The following PITPNM3 variants were observed in gnomAD, a reference collection of about 807,000 sequenced individuals.
The protein encoded by PITPNM3 is membrane-associated phosphatidylinositol transfer protein 3.
A neutral mutation model predicts 102.0 loss-of-function variants in PITPNM3; 26 were observed. The observed-to-expected ratio is 0.25, with a 90% CI of 0.19 to 0.35. The LOEUF is 0.35. PITPNM3 is among the 10% of genes least tolerant of loss of function. The pLI, the probability that PITPNM3 is intolerant of heterozygous loss-of-function variation, is 1.00. For synonymous variants in PITPNM3, 578 were observed against 558.6 expected, an observed-to-expected ratio of 1.03 and a Z score of -0.49; for missense variants, 1,083 against 1,346.1, an observed-to-expected ratio of 0.80 and a Z score of 3.06.
intron 3 of PITPNM3, 57 bp from the exon 4 acceptor site, chr17:6,503,631 G>A: frequency 6.3e-7 from 1 of 1,576,350 alleles, no homozygotes; most frequent in Non-Finnish European, 8.6e-7. Flanking sequence ...CAGGCACTGT[G>A]TTTCCCAGGG....
chr17:6,452,998 T>TCTCTCTCTCTCTCTCTCTCTG lies in PITPNM3; in HGVS notation c.*2339_*2340insCAGAGAGAGAGAGAGAGAGAG, dbSNP rs1913919802. The TCTCTCTCTCTCTCTCTCTCTG allele has an allele frequency of 1.6e-5, 1 of 64,088 alleles. No individual in the cohort carries two copies. Among genetic ancestry groups the TCTCTCTCTCTCTCTCTCTCTG allele is most frequent in the African/African-American group, 7.5e-5 (1 of 13,346 alleles). The allele number at this position is 64,088 out of a possible 1,614,324, so 4.0% of individuals were successfully genotyped here. A position where few individuals can be genotyped will look rare whatever the true frequency, so the allele number is the denominator to read the frequency against. On this transcript the variant is annotated 3_prime_UTR_variant, in exon 20 of 20. Transcript: ENST00000262483. ...TCTTCCTCTCTCTCTCTCTCTGTCTTCCTTTCTCTCTCTCTCTCTCTCTCT... is the reference window on the plus strand; with the variant it reads ...TCTTCCTCTCTCTCTCTCTCTGTCTTCTCTCTCTCTCTCTCTCTCTGCCTTTCTCTCTCTCTCTCTCTCTCT...
In PITPNM3 at chr17:6,472,813, G is replaced by C; in HGVS notation, c.1273C>G (p.Pro425Ala). Residue 425 changes from proline to alanine, a missense_variant, in exon 11 of 20, where the codon CCT becomes GCT. This residue lies in a region of PITPNM3 where 410 missense variants were observed against 638.4 expected (regional missense o/e 0.64). Coordinates refer to ENST00000262483, the MANE Select transcript of PITPNM3 (RefSeq NM_031220.4). This position sits in a 1 kb window ranked among gnomAD's most constrained non-coding sequence, Gnocchi z 4.1. ...AAGCTGTAGACCTGGCTGCAGGCAG[G>C]ACGCACCTGGAAGCCTGGGGTGAGT... ...LPGLDGFQVR[P>A]ACSQVYSFFH... is the part of the protein sequence containing the mutation. 1 of 1,614,086 alleles carries C rather than the reference G, an allele frequency of 6.2e-7. No individual in the cohort carries two copies. Among genetic ancestry groups the C allele is most frequent in the Non-Finnish European group, 8.5e-7 (1 of 1,179,992 alleles).
chr17:6,535,762 T>TA lies in PITPNM3; in HGVS notation c.118+2224dup, dbSNP rs1311197670. On this transcript the variant is annotated intron_variant, in intron 2 of 19. Coordinates refer to ENST00000262483, the MANE Select transcript of PITPNM3 (RefSeq NM_031220.4). ...GGTGAAACCCTGTCTCTACTAAAAA[T>TA]AAAAAAAAAAATTAGCCAGGTATGG... 4.3e-3 allele frequency among the ~76,000 whole-genome samples: 600 copies of TA among 139,248 alleles called. 3 individuals are homozygous for TA. The highest frequency in any genetic ancestry group is 0.014 in the African/African-American group (529 of 37,662). 91.4% of individuals were successfully genotyped at this position (139,248 alleles called of 152,430 possible).
chr17:6,482,367 G>A (rs559422603), intron 6 of PITPNM3, among the ~76,000 whole-genome samples: 18 of 152,244 alleles, frequency 1.2e-4, no homozygotes, highest in South Asian at 6.2e-4. Context: ...GAGAGCTTCC[G>A]GAGAGCTGAA....
rs368537962 is a variant in PITPNM3, at chr17:6,457,456, G to A, written c.2619+138C>T. 204 of 1,411,368 alleles carry A rather than the reference G, an allele frequency of 1.4e-4. No homozygotes were observed. In the African/African-American group the frequency reaches 2.3e-3, roughly 16 times the overall value. 87.4% of individuals were successfully genotyped at this position (1,411,368 alleles called of 1,614,324 possible). A position where few individuals can be genotyped will look rare whatever the true frequency, so the allele number is the denominator to read the frequency against. On this transcript the variant is annotated intron_variant, in intron 19 of 19. Coordinates refer to ENST00000262483, the MANE Select transcript of PITPNM3 (RefSeq NM_031220.4). This position sits in a 1 kb window ranked among gnomAD's most constrained non-coding sequence, Gnocchi z 4.7. ...GGCCCTGGCCCAAGGCAGGCACCCC[G>A]AAGTGTTTGTTGAATAAATGAATGA...
At chr17:6,471,056 A>G (rs1344956184) in intron 12 of PITPNM3, 105 bp downstream of exon 12, 4 of 1,362,280 alleles carry the variant, frequency 2.9e-6, no homozygotes, top group East Asian at 2.4e-5. Context: ...CCTTCTCCCT[A>G]TCCCAGGGCC....
At chr17:6,516,368 C>G (rs1908177112) in intron 3 of PITPNM3, among the ~76,000 whole-genome samples, 1 of 151,064 alleles carries the variant, frequency 6.6e-6, no homozygotes, top group Non-Finnish European at 1.5e-5. Flanking sequence ...TTGAGACCAT[C>G]CTGGCTAACA....
intron 19 of PITPNM3, among the ~76,000 whole-genome samples, chr17:6,455,908 C>T (rs971838950): frequency 1.3e-5 from 2 of 151,742 alleles, no homozygotes; most frequent in Non-Finnish European, 2.9e-5. Flanking sequence ...CTGGGGAAGT[C>T]GGGAGCTCTT....
intron 5 of PITPNM3, 104 bp downstream of exon 5, chr17:6,484,112 C>A (rs1051814871): frequency 7.7e-7 from 1 of 1,297,212 alleles, no homozygotes; most frequent in African/African-American, 1.5e-5. Flanking sequence ...CACAGCAAGT[C>A]AGACGAAGAG....
chr17:6,485,634 A>G (rs1906048408), intron 4 of PITPNM3, among the ~76,000 whole-genome samples: 1 of 152,354 alleles, frequency 6.6e-6, no homozygotes. Flanking sequence ...CAGAGAGTTA[A>G]GGTCGGCATT....
rs1425926659 is a variant in PITPNM3 at position 6,463,734 on chromosome 17, G to A, written c.2304C>T (p.Val768=). Residue 768 remains valine, a splice_region_variant and synonymous_variant, in exon 17 of 20, where the codon GTC becomes GTT. Coordinates refer to ENST00000262483, the MANE Select transcript of PITPNM3 (RefSeq NM_031220.4). ...PKVRPGAVDV[V]RHWQDLGYMI... ...CCCTCGTGGAAGGTGGCACTCACCG[G>A]ACAACATCCACTGCACCCGGCCGGA... 1.2e-6 allele frequency: 2 copies of A among 1,611,214 alleles called. No individual in the cohort carries two copies. The highest frequency in any genetic ancestry group is 1.7e-6 in the Non-Finnish European group (2 of 1,179,688).
At chr17:6,530,054 C>T (rs932544694) in intron 2 of PITPNM3, among the ~76,000 whole-genome samples, 4 of 152,218 alleles carry the variant, frequency 2.6e-5, no homozygotes, top group African/African-American at 9.6e-5. Flanking sequence ...CCACTCCCTC[C>T]AGGAGACAAA....
chr17:6,478,943 CTG>C lies in PITPNM3; in HGVS notation c.588-209_588-208del. On this transcript the variant is annotated intron_variant, in intron 6 of 19. Transcript: ENST00000262483. The surrounding 1 kb of genome is among the most constrained non-coding windows in gnomAD (Gnocchi z 4.4). ...GAGGATTCAAGCCTACACTGACTCC[CTG>C]TGTGTCCTTCCCGTGCTGGCCATGG... 3.3e-6 allele frequency: 2 copies of C among 601,524 alleles called. No homozygotes were observed. The allele number at this position is 601,524 out of a possible 1,614,324, so 37.3% of individuals were successfully genotyped here.
chr17:6,471,788 A>G (rs1356138810), intron 11 of PITPNM3, among the ~76,000 whole-genome samples: 1 of 152,128 alleles, frequency 6.6e-6, no homozygotes, highest in Non-Finnish European at 1.5e-5. Context: ...TGGGGACTCC[A>G]GCCTGAGAGC....
At position 6,477,104 on chromosome 17, in the gene PITPNM3, G is replaced by C. The variant is rs368003216; in HGVS notation, c.1010C>G (p.Pro337Arg). The C allele has an allele frequency of 5.0e-6, 8 of 1,614,114 alleles. No homozygotes were observed. Among genetic ancestry groups the C allele is most frequent in the Non-Finnish European group, 6.8e-6 (8 of 1,180,022 alleles). Reference protein sequence around the residue: ...SGLEDEEPKRPLPRKQSDSST... With the variant: ...SGLEDEEPKRRLPRKQSDSST... ...GGAGTCGCTCTGTTTCCGCGGCAACGGCCTCTTGGGCTCCTCATCCTCCAA... is the reference window on the plus strand; with the variant it reads ...GGAGTCGCTCTGTTTCCGCGGCAACCGCCTCTTGGGCTCCTCATCCTCCAA... The change falls in exon 9 of 20, where the codon CCG becomes CGG. Residue 337 changes from proline to arginine, a missense_variant. Pro to Arg is a moderately radical substitution (Grantham distance 103). This residue lies in a region of PITPNM3 where 172 missense variants were observed against 175.6 expected (regional missense o/e 0.98). Coordinates refer to ENST00000262483, the MANE Select transcript of PITPNM3 (RefSeq NM_031220.4).
chr17:6,514,159 T>G (rs943640748), intron 3 of PITPNM3, among the ~76,000 whole-genome samples: 1 of 152,010 alleles, frequency 6.6e-6, no homozygotes, highest in Non-Finnish European at 1.5e-5. Flanking sequence ...CTATAAAACT[T>G]TACAAAGAAA....
intron 2 of PITPNM3, among the ~76,000 whole-genome samples, chr17:6,528,464 A>T (rs1245234200): frequency 2.6e-5 from 4 of 151,720 alleles, no homozygotes; most frequent in African/African-American, 9.7e-5. Context: ...GTGCACGTGC[A>T]TGTGTGTGTG....
intron 3 of PITPNM3, among the ~76,000 whole-genome samples, chr17:6,505,276 G>T (rs1159873773): frequency 1.3e-5 from 2 of 151,408 alleles, no homozygotes; most frequent in Non-Finnish European, 2.9e-5. Context: ...GGATGGCTCT[G>T]ATTCTTGTTT....
chr17:6,523,413 C>G (rs1419213293), intron 3 of PITPNM3, among the ~76,000 whole-genome samples: 1 of 152,230 alleles, frequency 6.6e-6, no homozygotes, highest in African/African-American at 2.4e-5. Context: ...CCAGGCCTCT[C>G]TGACTCCAGC....
Sources: gnomAD v4.1 joint callset for allele counts (sites outside exome capture counted in the v4.1 genomes callset) on GRCh38, gnomAD v4.1.1 for gene constraint, gnomAD v4.1.1 regional missense constraint, Gnocchi (gnomAD v3.1) non-coding constraint, MANE v1.5 for transcripts, NCBI Gene and HGNC (gene_info 2026-07-23, HGNC 2026-07-21) for gene names.